The following UHMK1 variants were observed in gnomAD, a reference collection of about 807,000 sequenced individuals.
UHMK1 encodes serine/threonine-protein kinase Kist.
In UHMK1, 18 loss-of-function variants were observed where a neutral mutation model predicts 44.0. The observed-to-expected ratio is 0.41, with a 90% CI of 0.28 to 0.61. UHMK1 has a LOEUF of 0.61. Ranked by LOEUF, UHMK1 falls within the 20% of genes least tolerant of loss-of-function variation. The pLI, the probability that UHMK1 is intolerant of heterozygous loss-of-function variation, is 0.31. For missense variants in UHMK1, 463 were observed against 522.5 expected (o/e 0.89, Z 1.11); for synonymous variants, 231 against 198.5 (o/e 1.16, Z -1.38).
At position 162,503,843 on chromosome 1, in the gene UHMK1, CA is replaced by C; in HGVS notation, c.847del (p.Ser283AlafsTer41). ...IPAYHLRDLI[K>X]SMLHDDPSRR... ...CAGCCTATCACCTAAGAGACCTTAT[CA>C]AAAGGTATGTTACACGTACCATAAA... On this transcript the variant is annotated frameshift_variant, in exon 4 of 8. Transcript: ENST00000489294. LOFTEE classifies it high-confidence loss of function. 6.2e-7 allele frequency: 1 copy of C among 1,613,560 alleles called. No homozygotes were observed. Among genetic ancestry groups the C allele is most frequent in the Non-Finnish European group, 8.5e-7 (1 of 1,179,606 alleles).
chr1:162,511,542 G>A (rs890044384), intron 4 of UHMK1, among the ~76,000 whole-genome samples: 1 of 152,144 alleles, frequency 6.6e-6, no homozygotes, highest in Non-Finnish European at 1.5e-5. Context: ...CTCCCATTCT[G>A]TAAGTTGTCT....
chr1:162,529,626 T>A lies in UHMK1; in HGVS notation c.*7076T>A, dbSNP rs1236614577. The A allele has an allele frequency of 6.6e-6, 1 of 152,206 alleles. No homozygotes were observed. The highest frequency in any genetic ancestry group is 2.4e-5 in the African/African-American group (1 of 41,468). 9.4% of individuals were successfully genotyped at this position (152,206 alleles called of 1,614,324 possible). ...TAAAAATAAAGGAGTTGCTTTTTAA[T>A]TTCAACTTTTTCTATACTTAGTATA... On this transcript the variant is annotated 3_prime_UTR_variant, in exon 8 of 8. Coordinates refer to ENST00000489294, the MANE Select transcript of UHMK1 (RefSeq NM_175866.5).
intron 4 of UHMK1, 58 bp from the exon 5 acceptor site, chr1:162,512,441 AT>A: frequency 1.4e-5 from 19 of 1,371,836 alleles, no homozygotes; most frequent in Non-Finnish European, 1.9e-5. Flanking sequence ...ACTTTCTTTA[AT>A]GGTTGCATTT....
intron 6 of UHMK1, 155 bp downstream of exon 6, chr1:162,512,978 G>T (rs1213560382): frequency 1.3e-6 from 1 of 756,898 alleles, no homozygotes; most frequent in Non-Finnish European, 2.0e-6. Flanking sequence ...TTGAGGCGGA[G>T]TTTCACTCTT....
At chr1:162,507,242 C>G (rs771898395) in intron 4 of UHMK1, among the ~76,000 whole-genome samples, 5 of 151,886 alleles carry the variant, frequency 3.3e-5, no homozygotes, top group Non-Finnish European at 5.9e-5. Flanking sequence ...ACATCAGCCT[C>G]CCAAGTAGCT....
chr1:162,512,627 A>G (rs745837823), intron 5 of UHMK1, 51 bp downstream of exon 5: 1 of 1,602,826 alleles, frequency 6.2e-7, no homozygotes, highest in Admixed American at 1.7e-5. Context: ...CAGTCATACA[A>G]GACATCAGCA....
At chr1:162,499,637 T>A (rs967443951) in intron 1 of UHMK1, among the ~76,000 whole-genome samples, 9 of 152,214 alleles carry the variant, frequency 5.9e-5, no homozygotes, top group Non-Finnish European at 8.8e-5. Flanking sequence ...TTAGGTTTTT[T>A]ACTTTTAATC....
rs1489154121 is a variant in UHMK1, at chr1:162,516,611, A to G, written c.1025-1491A>G. Among the ~76,000 whole-genome samples, 4 of 152,350 alleles carry G rather than the reference A, an allele frequency of 2.6e-5. No homozygotes were observed. The East Asian group carries it at 7.7e-4, about 29-fold the overall frequency. ...AAGCAGTATAATAAGCATTGAACAA[A>G]ATCAACCCTGACAAAAATCACCCTA... On this transcript the variant is annotated intron_variant, in intron 6 of 7. Coordinates refer to ENST00000489294, the MANE Select transcript of UHMK1 (RefSeq NM_175866.5).
intron 7 of UHMK1, among the ~76,000 whole-genome samples, chr1:162,520,162 G>A (rs1301368093): frequency 6.6e-6 from 1 of 152,186 alleles, no homozygotes; most frequent in African/African-American, 2.4e-5. Context: ...CCTAAGTGCT[G>A]GGATTAAAGG....
At chr1:162,497,343 A>C (rs1270157046), upstream of UHMK1, 1 of 698,268 alleles carries the variant, frequency 1.4e-6, no homozygotes, top group East Asian at 2.7e-5. Flanking sequence ...ACTGAACCAG[A>C]ATTTTAGAGT....
intron 4 of UHMK1, 143 bp downstream of exon 4, chr1:162,503,991 A>G (rs958212287): frequency 2.1e-5 from 14 of 662,384 alleles, no homozygotes; most frequent in African/African-American, 7.4e-5. Context: ...TTTGTTTTCA[A>G]AGGAATGCTC....
Position 162,522,853 on chromosome 1 carries a change from G to A in UHMK1, c.*303G>A, listed in dbSNP as rs1292072611. On this transcript the variant is annotated 3_prime_UTR_variant, in exon 8 of 8. Transcript: ENST00000489294. ...CTAAAAAAATCTTAATTATTTCATG[G>A]ATCATGAAGCAAGGATGAATAATAT... The A allele has an allele frequency of 1.4e-5, 3 of 220,970 alleles. No individual in the cohort carries two copies. Among genetic ancestry groups the A allele is most frequent in the African/African-American group, 6.8e-5 (3 of 43,946 alleles). The allele number at this position is 220,970 out of a possible 1,614,324, so 13.7% of individuals were successfully genotyped here.
At chr1:162,510,705 C>T (rs1651634926) in intron 4 of UHMK1, among the ~76,000 whole-genome samples, 1 of 151,262 alleles carries the variant, frequency 6.6e-6, no homozygotes, top group Admixed American at 6.6e-5. Flanking sequence ...GAAATGAACA[C>T]TTATCTGTTA....
intron 1 of UHMK1, 72 bp from the exon 2 acceptor site, chr1:162,499,883 A>C: frequency 7.9e-6 from 11 of 1,388,024 alleles, no homozygotes; most frequent in Non-Finnish European, 1.1e-5. Context: ...TCAAATTTGT[A>C]CTGCAGTTAC....
Position 162,503,824 on chromosome 1 carries a change from A to C in UHMK1, c.824A>C (p.Tyr275Ser). 1 of 1,614,150 alleles carries C rather than the reference A, an allele frequency of 6.2e-7. No homozygotes were observed. Among genetic ancestry groups the C allele is most frequent in the Non-Finnish European group, 8.5e-7 (1 of 1,180,002 alleles). The change falls in exon 4 of 8, where the codon TAT becomes TCT. Residue 275 changes from tyrosine (Y) to serine (S), a missense_variant. Tyr to Ser is a moderately radical substitution (Grantham distance 144). Coordinates refer to ENST00000489294, the MANE Select transcript of UHMK1 (RefSeq NM_175866.5). Reference protein sequence around the residue: ...KAVVNAAIPAYHLRDLIKSML... With the variant: ...KAVVNAAIPASHLRDLIKSML... ...GTGGTGAATGCCGCAATTCCAGCCT[A>C]TCACCTAAGAGACCTTATCAAAAGG...
upstream of UHMK1, chr1:162,497,285 T>C (rs2101665406): frequency 1.4e-6 from 1 of 702,856 alleles, no homozygotes; most frequent in African/African-American, 1.7e-5. Flanking sequence ...TGTGTTGACC[T>C]TAACCGGAGA....
At position 162,528,852 on chromosome 1, in the gene UHMK1, T is replaced by C. The variant is rs962247368; in HGVS notation, c.*6302T>C. On this transcript the variant is annotated 3_prime_UTR_variant, in exon 8 of 8. Transcript: ENST00000489294. ...CTGGGGTAGAAGGGATTTTATTTTT[T>C]CCCAAAAGGGTTCCATCTTTGCTAT... 1 of 152,130 alleles carries C rather than the reference T, an allele frequency of 6.6e-6. No homozygotes were observed. The highest frequency in any genetic ancestry group is 2.4e-5 in the African/African-American group (1 of 41,448). 9.4% of individuals were successfully genotyped at this position (152,130 alleles called of 1,614,324 possible). A position where few individuals can be genotyped will look rare whatever the true frequency, so the allele number is the denominator to read the frequency against.
At position 162,527,779 on chromosome 1, in the gene UHMK1, A is replaced by T. The variant is rs1248703932; in HGVS notation, c.*5229A>T. 6.6e-6 allele frequency: 1 copy of T among 152,072 alleles called. No individual in the cohort carries two copies. The highest frequency in any genetic ancestry group is 2.4e-5 in the African/African-American group (1 of 41,452). The allele number at this position is 152,072 out of a possible 1,614,324, so 9.4% of individuals were successfully genotyped here. ...ATGTTTTGTTACCTAGGTTCATAGTATTTTAATTTAAAGGCAAAGAGAAGC... is the reference window on the plus strand; with the variant it reads ...ATGTTTTGTTACCTAGGTTCATAGTTTTTTAATTTAAAGGCAAAGAGAAGC... On this transcript the variant is annotated 3_prime_UTR_variant, in exon 8 of 8. Coordinates refer to ENST00000489294, the MANE Select transcript of UHMK1 (RefSeq NM_175866.5).
rs952846550 is a variant in UHMK1, at chr1:162,527,188, C to A, written c.*4638C>A. ...GTTTCATTTTGTTTTAGGATAGCTTCTCTGCCTAATACTATAGGATATGTC... is the reference window on the plus strand; with the variant it reads ...GTTTCATTTTGTTTTAGGATAGCTTATCTGCCTAATACTATAGGATATGTC... On this transcript the variant is annotated 3_prime_UTR_variant, in exon 8 of 8. Transcript: ENST00000489294. 1.3e-5 allele frequency: 2 copies of A among 152,076 alleles called. No individual in the cohort carries two copies. The highest frequency in any genetic ancestry group is 4.8e-5 in the African/African-American group (2 of 41,456). 9.4% of individuals were successfully genotyped at this position (152,076 alleles called of 1,614,324 possible). A position where few individuals can be genotyped will look rare whatever the true frequency, so the allele number is the denominator to read the frequency against.
Sources: allele counts gnomAD v4.1 joint callset (sites outside exome capture counted in the v4.1 genomes callset), GRCh38; gene constraint gnomAD v4.1.1; transcripts MANE v1.5; gene names NCBI Gene and HGNC (gene_info 2026-07-23, HGNC 2026-07-21).